CACNA2D3: variants seen among roughly 807,000 people sequenced by gnomAD.
CACNA2D3 encodes calcium voltage-gated channel auxiliary subunit alpha2delta 3.
In CACNA2D3, 60 loss-of-function variants were observed where a neutral mutation model predicts 160.6. The ratio of observed to expected loss-of-function variants is 0.37; its 90% CI spans 0.30 to 0.46. CACNA2D3 has a LOEUF of 0.46. Among genes scored for constraint, CACNA2D3 ranks in the 20% least tolerant of loss-of-function variants. The pLI is 1.00. For synonymous variants in CACNA2D3, 558 were observed against 492.9 expected (o/e 1.13, Z -1.75); for missense variants, 1,205 against 1,365.0 (o/e 0.88, Z 1.85).
chr3:54,867,481 A>G (rs184141329), intron 17 of CACNA2D3, among the ~76,000 whole-genome samples: 8 of 149,272 alleles, frequency 5.4e-5, no homozygotes, highest in Non-Finnish European at 1.2e-4. Flanking sequence ...AATATATACA[A>G]GTTGGAATTC....
At chr3:54,814,228 C>T (rs1703399568) in intron 13 of CACNA2D3, among the ~76,000 whole-genome samples, 1 of 152,292 alleles carries the variant, frequency 6.6e-6, no homozygotes, top group South Asian at 2.1e-4. Flanking sequence ...CTCAACATAG[C>T]CCTTCATCCA....
Position 54,161,936 on chromosome 3 carries a change from T to C in CACNA2D3, c.204+38342T>C, listed in dbSNP as rs368234509. Among the ~76,000 whole-genome samples, 28 of 152,304 alleles carry C rather than the reference T, an allele frequency of 1.8e-4. No individual in the cohort carries two copies. In the East Asian group the frequency reaches 2.3e-3, roughly 13 times the overall value. On this transcript the variant is annotated intron_variant, in intron 2 of 37. Transcript: ENST00000474759. ...GTAGGTGCCAAGGTTTAGCAGCTCATAATCTGGTTTCACATTCCTGGTCTT... is the reference window on the plus strand; with the variant it reads ...GTAGGTGCCAAGGTTTAGCAGCTCACAATCTGGTTTCACATTCCTGGTCTT...
intron 11 of CACNA2D3, among the ~76,000 whole-genome samples, chr3:54,704,810 G>A (rs1470228709): frequency 6.6e-6 from 1 of 152,076 alleles, no homozygotes. Flanking sequence ...TTCTTGGTGT[G>A]CATTGCAGTT....
intron 2 of CACNA2D3, among the ~76,000 whole-genome samples, chr3:54,227,784 C>G (rs771620054): frequency 6.6e-6 from 1 of 152,028 alleles, no homozygotes; most frequent in African/African-American, 2.4e-5. Flanking sequence ...TTCCTGACCT[C>G]GTGATCCACC....
At chr3:54,628,790 C>T (rs1023372747) in intron 10 of CACNA2D3, among the ~76,000 whole-genome samples, 3 of 152,112 alleles carry the variant, frequency 2.0e-5, no homozygotes, top group Non-Finnish European at 4.4e-5. Context: ...GGAGGCATCT[C>T]CTCTCTAGGG....
chr3:54,544,548 T>G (rs928612358), intron 5 of CACNA2D3, among the ~76,000 whole-genome samples: 1 of 152,102 alleles, frequency 6.6e-6, no homozygotes, highest in Admixed American at 6.5e-5. Context: ...GAAGTATAGG[T>G]GTGCACCACT....
chr3:54,877,539 C>T (rs1199461565), intron 18 of CACNA2D3, among the ~76,000 whole-genome samples: 2 of 152,118 alleles, frequency 1.3e-5, no homozygotes, highest in Admixed American at 6.5e-5. Context: ...GGTAAGTGAT[C>T]GAGATACCCA....
intron 2 of CACNA2D3, among the ~76,000 whole-genome samples, chr3:54,165,642 G>C (rs1489992174): frequency 6.6e-6 from 1 of 151,702 alleles, no homozygotes; most frequent in Non-Finnish European, 1.5e-5. Context: ...AGGTGTGGTG[G>C]TGCACACCTG....
At chr3:54,755,385 A>T (rs182560358) in intron 12 of CACNA2D3, among the ~76,000 whole-genome samples, 1 of 152,120 alleles carries the variant, frequency 6.6e-6, no homozygotes, top group Admixed American at 6.5e-5. Context: ...ACCTGCACCC[A>T]TCTTTCCCTT....
chr3:54,772,634 TAAC>T (rs1205711153), intron 13 of CACNA2D3, among the ~76,000 whole-genome samples: 2 of 152,144 alleles, frequency 1.3e-5, no homozygotes, highest in Non-Finnish European at 2.9e-5. Flanking sequence ...GACTTAATGT[TAAC>T]AACATTAATT....
chr3:54,222,977 T>C (rs965637489), intron 2 of CACNA2D3, among the ~76,000 whole-genome samples: 4 of 152,256 alleles, frequency 2.6e-5, no homozygotes, highest in Admixed American at 6.5e-5. Flanking sequence ...ATATGTTCTG[T>C]GTTACTTTTT....
At chr3:55,001,352 C>T (rs999401577) in intron 31 of CACNA2D3, among the ~76,000 whole-genome samples, 1 of 152,212 alleles carries the variant, frequency 6.6e-6, no homozygotes, top group Non-Finnish European at 1.5e-5. Context: ...TAAACACCAG[C>T]CCATTAATTG....
chr3:54,460,764 T>G (rs1279801626), intron 4 of CACNA2D3, among the ~76,000 whole-genome samples: 1 of 152,198 alleles, frequency 6.6e-6, no homozygotes, highest in Non-Finnish European at 1.5e-5. Context: ...GAATACCCTT[T>G]ATTTCCTTGT....
intron 13 of CACNA2D3, among the ~76,000 whole-genome samples, chr3:54,774,338 C>A (rs761046810): frequency 9.2e-5 from 14 of 152,124 alleles, no homozygotes; most frequent in African/African-American, 2.4e-4. Context: ...AGGAAACTTA[C>A]AATCATCGTG....
At chr3:54,822,497 G>T (rs750122646) in intron 14 of CACNA2D3, among the ~76,000 whole-genome samples, 1 of 152,190 alleles carries the variant, frequency 6.6e-6, no homozygotes, top group Non-Finnish European at 1.5e-5. Flanking sequence ...GGTGAACTTT[G>T]CAAGTGTACC....
At chr3:54,291,694 G>T (rs773457788) in intron 2 of CACNA2D3, among the ~76,000 whole-genome samples, 5 of 152,144 alleles carry the variant, frequency 3.3e-5, no homozygotes, top group Non-Finnish European at 7.4e-5. Context: ...TTAGTGGTAG[G>T]CTTCTGACAT....
In CACNA2D3 at chr3:54,626,496, C is replaced by T. The variant is rs1392825780; in HGVS notation, c.964-1291C>T. On this transcript the variant is annotated intron_variant, in intron 9 of 37. Coordinates refer to ENST00000474759, the MANE Select transcript of CACNA2D3 (RefSeq NM_018398.3). ...CCGAGATGGTGGGCAGCATGGTGGG[C>T]GTCTACAACGGCAAGACCTTCAACC... is the stretch of plus-strand genomic sequence containing the variant. The T allele has an allele frequency of 1.2e-5, 19 of 1,606,900 alleles. No individual in the cohort carries two copies. In the East Asian group the frequency reaches 2.2e-4, roughly 19 times the overall value.
intron 14 of CACNA2D3, among the ~76,000 whole-genome samples, chr3:54,817,189 C>T (rs899699839): frequency 6.6e-6 from 1 of 152,162 alleles, no homozygotes; most frequent in Middle Eastern, 3.2e-3. Context: ...GCATTCCAGG[C>T]CTTCTCTGAG....
intron 8 of CACNA2D3, among the ~76,000 whole-genome samples, chr3:54,580,201 A>G (rs544066653): frequency 7.0e-4 from 106 of 152,142 alleles, no homozygotes; most frequent in South Asian, 1.2e-3. Flanking sequence ...CGGTGCTAAG[A>G]TAACGTGCAG....
Sources: allele counts gnomAD v4.1 joint callset (sites outside exome capture counted in the v4.1 genomes callset), GRCh38; gene constraint gnomAD v4.1.1; transcripts MANE v1.5; gene names NCBI Gene and HGNC (gene_info 2026-07-23, HGNC 2026-07-21).